Variants in DLGAP2 observed in about 807,000 individuals in gnomAD.
The protein encoded by DLGAP2 is disks large-associated protein 2.
In DLGAP2, 26 loss-of-function variants were observed where a neutral mutation model predicts 100.3. The ratio of observed to expected loss-of-function variants is 0.26; its 90% confidence interval spans 0.19 to 0.36. The LOEUF (loss-of-function observed/expected upper bound fraction) is 0.36. Ranked by LOEUF, DLGAP2 falls within the 10% of genes least tolerant of loss-of-function variation. The pLI is 1.00. For missense variants in DLGAP2, 1,858 were observed against 1,453.2 expected (o/e 1.28, Z -4.53); for synonymous variants, 886 against 630.1 (o/e 1.41, Z -6.08).
At chr8:1,351,657 G>C (rs1262534724) in intron 3 of DLGAP2, among the ~76,000 whole-genome samples, 2 of 75,040 alleles carry the variant, frequency 2.7e-5, no homozygotes, top group Non-Finnish European at 5.5e-5. Context: ...AGGCCGTGCG[G>C]GTCCTGACTG....
chr8:1,618,971 A>G (rs898718212), intron 6 of DLGAP2, among the ~76,000 whole-genome samples: 1 of 152,184 alleles, frequency 6.6e-6, no homozygotes, highest in Non-Finnish European at 1.5e-5. Flanking sequence ...ATTAAGAACT[A>G]CTCAAATAGA....
intron 2 of DLGAP2, among the ~76,000 whole-genome samples, chr8:1,139,780 G>A (rs190476061): frequency 1.3e-5 from 2 of 152,146 alleles, no homozygotes; most frequent in Non-Finnish European, 2.9e-5. Context: ...TTTGGGGTCT[G>A]ACAGGTCCCA....
chr8:1,240,006 T>TCGTGTCTAGTTCTCTCACATGGCGC, intron 2 of DLGAP2, among the ~76,000 whole-genome samples: 1 of 141,048 alleles, frequency 7.1e-6, no homozygotes, highest in Non-Finnish European at 1.5e-5. Flanking sequence ...ACACAGAGCA[T>TCGTGTCTAGTTCTCTCACATGGCGC]CGTGTCTAGT....
intron 2 of DLGAP2, among the ~76,000 whole-genome samples, chr8:1,214,168 C>A (rs1290215637): frequency 6.6e-6 from 1 of 152,196 alleles, no homozygotes; most frequent in Non-Finnish European, 1.5e-5. Context: ...CCCTGCCAGG[C>A]CTCCCAGAAC....
intron 3 of DLGAP2, among the ~76,000 whole-genome samples, chr8:1,290,338 ATG>A (rs1187026111): frequency 1.4e-4 from 21 of 152,224 alleles, no homozygotes; most frequent in Non-Finnish European, 2.9e-5. Flanking sequence ...CAGTTTGCAT[ATG>A]ATGGTCCCGC....
chr8:1,344,157 G>A (rs375142170), intron 3 of DLGAP2, among the ~76,000 whole-genome samples: 4,048 of 56,842 alleles, frequency 0.071, 108 homozygotes, highest in East Asian at 0.22. Context: ...GCCCTGTCGT[G>A]GGTCTTTGTA....
At chr8:869,570 T>G (rs1488612393) in intron 1 of DLGAP2, among the ~76,000 whole-genome samples, 4 of 152,330 alleles carry the variant, frequency 2.6e-5, no homozygotes, top group Non-Finnish European at 2.9e-5. Flanking sequence ...ATGGGCTTTT[T>G]AATAACTCCA....
intron 2 of DLGAP2, among the ~76,000 whole-genome samples, chr8:1,005,505 C>T (rs953657953): frequency 6.6e-6 from 1 of 151,170 alleles, no homozygotes; most frequent in African/African-American, 2.4e-5. Context: ...ACCTCCTGGC[C>T]TCAAGTGATT....
At chr8:1,043,528 A>G (rs1045461446) in intron 2 of DLGAP2, among the ~76,000 whole-genome samples, 2 of 151,948 alleles carry the variant, frequency 1.3e-5, no homozygotes, top group African/African-American at 2.4e-5. Context: ...CCTTCGTAGG[A>G]CAAAGGATTC....
chr8:1,700,400 TC>T (rs1799533855), intron 14 of DLGAP2, among the ~76,000 whole-genome samples: 1 of 72,380 alleles, frequency 1.4e-5, no homozygotes, highest in Non-Finnish European at 2.5e-5. Context: ...GGTCCCACTG[TC>T]TTTAGGAACA....
At chr8:831,448 G>A (rs1208292320) in intron 1 of DLGAP2, among the ~76,000 whole-genome samples, 2 of 152,048 alleles carry the variant, frequency 1.3e-5, no homozygotes, top group Non-Finnish European at 2.9e-5. Flanking sequence ...TCCTACCTAT[G>A]AGTGAGAACA....
chr8:1,230,451 A>T (rs1036824922), intron 2 of DLGAP2, among the ~76,000 whole-genome samples: 1 of 152,228 alleles, frequency 6.6e-6, no homozygotes, highest in Non-Finnish European at 1.5e-5. Context: ...CGATCTACAG[A>T]TTCAATGCTA....
intron 1 of DLGAP2, among the ~76,000 whole-genome samples, chr8:889,688 G>A (rs1584865600): frequency 6.6e-6 from 1 of 152,348 alleles, no homozygotes. Context: ...GTGCCGGGGA[G>A]TTTAGCATGT....
chr8:893,878 G>A (rs1445432877), intron 1 of DLGAP2, among the ~76,000 whole-genome samples: 1 of 152,244 alleles, frequency 6.6e-6, no homozygotes, highest in Non-Finnish European at 1.5e-5. Flanking sequence ...CAATGCGGAT[G>A]TGGTTGTCTC....
intron 6 of DLGAP2, among the ~76,000 whole-genome samples, chr8:1,606,673 G>C (rs865948211): frequency 7.9e-5 from 12 of 152,218 alleles, no homozygotes; most frequent in Middle Eastern, 3.4e-3. Context: ...GAATAATTCT[G>C]CTATGACCAT....
chr8:835,133 G>A (rs939431027), intron 1 of DLGAP2, among the ~76,000 whole-genome samples: 1 of 152,166 alleles, frequency 6.6e-6, no homozygotes, highest in Non-Finnish European at 1.5e-5. Context: ...GCTTTCATAT[G>A]GATGGAGTTA....
At chr8:1,641,552 C>A (rs918464384) in intron 8 of DLGAP2, among the ~76,000 whole-genome samples, 6 of 152,076 alleles carry the variant, frequency 3.9e-5, no homozygotes, top group Non-Finnish European at 5.9e-5. Context: ...GACTCATAGT[C>A]CAGGGCTCTT....
intron 2 of DLGAP2, among the ~76,000 whole-genome samples, chr8:1,167,009 A>C (rs1027642177): frequency 3.3e-5 from 5 of 152,202 alleles, no homozygotes; most frequent in Admixed American, 3.3e-4. Flanking sequence ...GGTGGCATGC[A>C]CCTGTAGTCC....
At position 858,971 on chromosome 8, in the gene DLGAP2, G is replaced by A. The variant is rs567854513; in HGVS notation, c.19-48941G>A. On this transcript the variant is annotated intron_variant, in intron 1 of 14. Transcript: ENST00000637795. ...GTGGGGAAACTGGGGTGGGGAGGAG[G>A]GGTTATATGTGAACTCTGTGAACTT... Among the ~76,000 whole-genome samples the A allele has an allele frequency of 3.9e-5, 6 of 152,266 alleles. No individual in the cohort carries two copies. In the East Asian group the frequency reaches 1.2e-3, roughly 29 times the overall value.
Sources: gnomAD v4.1 joint callset for allele counts (sites outside exome capture counted in the v4.1 genomes callset) on GRCh38, gnomAD v4.1.1 for gene constraint, MANE v1.5 for transcripts, NCBI Gene and HGNC (gene_info 2026-07-23, HGNC 2026-07-21) for gene names.